Variants in JHY observed in about 807,000 individuals in gnomAD.
JHY encodes the protein junctional cadherin complex regulator.
Under a neutral mutation model 78.0 loss-of-function variants are expected in JHY, and 69 were observed. The ratio of observed to expected loss-of-function variants is 0.88; its 90% CI spans 0.73 to 1.08. JHY has a LOEUF of 1.08. Ranked by LOEUF, JHY falls within the 50% of genes least tolerant of loss-of-function variation. JHY has a pLI of 0.00. For missense variants in JHY, 944 were observed against 927.8 expected (o/e 1.02, Z -0.23); for synonymous variants, 368 against 342.6 (o/e 1.07, Z -0.82).
chr11:122,893,615 TGAAA>T (rs1862672612), intron 2 of JHY, among the ~76,000 whole-genome samples: 2 of 152,244 alleles, frequency 1.3e-5, no homozygotes, highest in Admixed American at 6.5e-5. Context: ...AAGATCATAA[TGAAA>T]TGACTAAAGG....
intron 3 of JHY, among the ~76,000 whole-genome samples, chr11:122,915,166 A>G (rs1260642520): frequency 6.6e-6 from 1 of 152,216 alleles, no homozygotes; most frequent in Non-Finnish European, 1.5e-5. Flanking sequence ...TGATAATTCT[A>G]TGCTGACTTA....
chr11:122,934,774 C>A lies in JHY; in HGVS notation c.1333C>A (p.Pro445Thr). The A allele has an allele frequency of 6.2e-7, 1 of 1,614,170 alleles. No individual in the cohort carries two copies. Among genetic ancestry groups the A allele is most frequent in the Non-Finnish European group, 8.5e-7 (1 of 1,180,020 alleles). ...AGAAACCTCCAATACATTTGCTCCACCAAAACAGGCTTTTGACAAGGTCTT... is the reference window on the plus strand; with the variant it reads ...AGAAACCTCCAATACATTTGCTCCAACAAAACAGGCTTTTGACAAGGTCTT... ...LKETSNTFAP[P>T]KQAFDKVLSK... is the part of the protein sequence containing the mutation. The change falls in exon 5 of 9, where the codon CCA becomes ACA. Residue 445 changes from proline to threonine, a missense_variant. Transcript: ENST00000227349.
intron 2 of JHY, among the ~76,000 whole-genome samples, chr11:122,897,106 C>T (rs1278913819): frequency 3.3e-5 from 5 of 152,188 alleles, no homozygotes; most frequent in African/African-American, 9.7e-5. Context: ...CCACCTGCCT[C>T]GGCCTCCCAA....
chr11:122,938,855 G>C (rs1013072499), intron 5 of JHY, among the ~76,000 whole-genome samples: 1 of 151,838 alleles, frequency 6.6e-6, no homozygotes, highest in Non-Finnish European at 1.5e-5. Flanking sequence ...ATCTGTGCTT[G>C]GTGCTTCACA....
intron 2 of JHY, among the ~76,000 whole-genome samples, chr11:122,886,661 T>C (rs1862503400): frequency 6.6e-6 from 1 of 152,164 alleles, no homozygotes; most frequent in Non-Finnish European, 1.5e-5. Flanking sequence ...TTGGCCAGGT[T>C]GGTCTTGAAC....
rs7105590 is a variant in JHY, at chr11:122,962,195, T to C, written c.*2750T>C. On this transcript the variant is annotated 3_prime_UTR_variant, in exon 9 of 9. Transcript: ENST00000227349. ...GTTTAATTTTCTACTTCCTTCCTTA[T>C]ATTAGATGGACATTACATTTTTAGA... Among the ~76,000 whole-genome samples, 53,433 of 152,106 alleles carry C rather than the reference T, an allele frequency of 0.35. 10,150 individuals carry two copies. Among genetic ancestry groups the C allele is most frequent in the Non-Finnish European group, 0.43 (29,093 of 67,956 alleles).
chr11:122,951,508 G>A (rs557708377), intron 6 of JHY, among the ~76,000 whole-genome samples: 1 of 152,300 alleles, frequency 6.6e-6, no homozygotes, highest in South Asian at 2.1e-4. Context: ...GTTCCACAGT[G>A]TTTGAGGCAT....
chr11:122,920,064 T>C (rs1731985505), intron 3 of JHY, among the ~76,000 whole-genome samples: 1 of 152,220 alleles, frequency 6.6e-6, no homozygotes, highest in South Asian at 2.1e-4. Flanking sequence ...ATTTCTATCA[T>C]TGTGTCTCCA....
rs183558202 is a variant in JHY at position 122,925,148 on chromosome 11, T to A, written c.978+138T>A. On this transcript the variant is annotated intron_variant, in intron 4 of 8. Transcript: ENST00000227349. ...TTACCCACTTTCCTATGGGTAAGACTGGCTTCTGCTCAGAGGAGCCATTGC... is the reference window on the plus strand; with the variant it reads ...TTACCCACTTTCCTATGGGTAAGACAGGCTTCTGCTCAGAGGAGCCATTGC... 48 of 691,666 alleles carry A rather than the reference T, an allele frequency of 6.9e-5. No homozygotes were observed. The East Asian group carries it at 1.3e-3, about 19-fold the overall frequency. The allele number at this position is 691,666 out of a possible 1,614,324, so 42.8% of individuals were successfully genotyped here. A position where few individuals can be genotyped will look rare whatever the true frequency, so the allele number is the denominator to read the frequency against.
Position 122,962,271 on chromosome 11 carries a change from T to C in JHY, c.*2826T>C, listed in dbSNP as rs762673543. Among the ~76,000 whole-genome samples the C allele has an allele frequency of 4.0e-5, 6 of 151,496 alleles. No individual in the cohort carries two copies. The highest frequency in any genetic ancestry group is 5.9e-5 in the Non-Finnish European group (4 of 67,856). ...TGAACATCAATTTGGGGAAAATCTGTTTATCTATACGTGTGGTGTAAGGAC... is the reference window on the plus strand; with the variant it reads ...TGAACATCAATTTGGGGAAAATCTGCTTATCTATACGTGTGGTGTAAGGAC... On this transcript the variant is annotated 3_prime_UTR_variant, in exon 9 of 9. Transcript: ENST00000227349.
chr11:122,955,237 C>T (rs1488055217), intron 6 of JHY, among the ~76,000 whole-genome samples: 2 of 152,252 alleles, frequency 1.3e-5, no homozygotes, highest in East Asian at 3.9e-4. Context: ...TCTCCTGCCT[C>T]AGCCCCCCGA....
rs1436151161 is a variant in JHY, at chr11:122,961,564, A to G, written c.*2119A>G. Among the ~76,000 whole-genome samples, 1 of 152,174 alleles carries G rather than the reference A, an allele frequency of 6.6e-6. No homozygotes were observed. Among genetic ancestry groups the G allele is most frequent in the Non-Finnish European group, 1.5e-5 (1 of 68,030 alleles). On this transcript the variant is annotated 3_prime_UTR_variant, in exon 9 of 9. Transcript: ENST00000227349. ...GAGGCAGGGTTTCGCCATGTTGACC[A>G]GGCTGGTCTTGAACTCCTGATCTCA... is the stretch of plus-strand genomic sequence containing the variant.
chr11:122,957,556 C>CTTTTT, intron 8 of JHY, 65 bp downstream of exon 8: 1 of 981,076 alleles, frequency 1.0e-6, no homozygotes. Context: ...TTTATTATCG[C>CTTTTT]TTTTTTTTTT....
chr11:122,930,828 T>C (rs1863620106), intron 4 of JHY, among the ~76,000 whole-genome samples: 1 of 152,234 alleles, frequency 6.6e-6, no homozygotes, highest in Non-Finnish European at 1.5e-5. Context: ...CTTTTCCAGG[T>C]ATCTTAGTCT....
chr11:122,957,362 G>C lies in JHY; in HGVS notation c.2011-1G>C, dbSNP rs751969511. The C allele has an allele frequency of 1.0e-5, 16 of 1,524,458 alleles. No homozygotes were observed. The highest frequency in any genetic ancestry group is 2.6e-5 in the Admixed American group (1 of 37,872). The allele number at this position is 1,524,458 out of a possible 1,614,324, so 94.4% of individuals were successfully genotyped here. A position where few individuals can be genotyped will look rare whatever the true frequency, so the allele number is the denominator to read the frequency against. On this transcript the variant is annotated splice_acceptor_variant, in intron 7 of 8. Transcript: ENST00000227349. LOFTEE classifies it high-confidence loss of function. ...CATCATAACTTTGTTTCTCTGAACA[G>C]ACGCAAAAATTAATACAGCAAAAGG...
chr11:122,915,433 G>A (rs1479838878), intron 3 of JHY, among the ~76,000 whole-genome samples: 7 of 152,204 alleles, frequency 4.6e-5, no homozygotes, highest in Non-Finnish European at 7.3e-5. Context: ...ACTGTCCAGG[G>A]AAGTCAGAGG....
At chr11:122,905,697 T>A in intron 3 of JHY, 1 of 609,244 alleles carries the variant, frequency 1.6e-6, no homozygotes, top group East Asian at 1.4e-4. Context: ...GTGAAACCCA[T>A]CTATACCAAA....
intron 5 of JHY, among the ~76,000 whole-genome samples, chr11:122,942,658 G>C (rs7113695): frequency 2.7e-4 from 41 of 151,516 alleles, no homozygotes; most frequent in African/African-American, 9.9e-4. Context: ...TCCTGACCTC[G>C]AGTGATCCAC....
chr11:122,905,159 T>C (rs778907882), intron 3 of JHY: 3 of 1,599,918 alleles, frequency 1.9e-6, no homozygotes, highest in Non-Finnish European at 2.6e-6. Flanking sequence ...AAATGCCTTC[T>C]CTTCCTCATC....
Sources: allele counts gnomAD v4.1 joint callset (sites outside exome capture counted in the v4.1 genomes callset), GRCh38; gene constraint gnomAD v4.1.1; transcripts MANE v1.5; gene names NCBI Gene and HGNC (gene_info 2026-07-23, HGNC 2026-07-21).